The following DMD variants were observed in gnomAD, a reference collection of about 807,000 sequenced individuals.
DMD encodes mutant dystrophin.
DMD carries 63 observed loss-of-function variants against 330.1 expected under a neutral mutation model. That is an observed-to-expected ratio of 0.19 (90% CI 0.16 to 0.24). DMD has a LOEUF of 0.24. Among genes scored for constraint, DMD ranks in the 10% least tolerant of loss-of-function variants. The pLI, the probability that DMD is intolerant of heterozygous loss-of-function variation, is 1.00. For synonymous variants in DMD, 1,223 were observed against 959.8 expected (o/e 1.27, Z -5.07); for missense variants, 3,344 against 2,684.1 (o/e 1.25, Z -5.43).
chrX:33,333,208 A>G (rs2148965920), intron 1 of DMD, among the ~76,000 whole-genome samples: 1 of 111,672 alleles, frequency 9.0e-6, no homozygotes, highest in Non-Finnish European at 1.9e-5. Flanking sequence ...TTAAAAAACA[A>G]TACTTTCACA....
intron 64 of DMD, among the ~76,000 whole-genome samples, chrX:31,213,442 A>G (rs2044981303): frequency 9.2e-6 from 1 of 108,673 alleles, no homozygotes. Flanking sequence ...CCCACGGGAT[A>G]TAAGAAACCC....
In DMD at chrX:31,204,027, C is replaced by A. The variant is rs772783106; in HGVS notation, c.9741G>T (p.Gln3247His). 1.7e-6 allele frequency: 2 copies of A among 1,210,668 alleles called. No individual in the cohort carries two copies. The highest frequency in any genetic ancestry group is 3.5e-5 in the South Asian group (2 of 56,962). Residue 3247 changes from glutamine to histidine, a missense_variant, in exon 67 of 79, where the codon CAG becomes CAT. Gln to His is a conservative substitution (Grantham distance 24). Coordinates refer to ENST00000357033, the MANE Select transcript of DMD (RefSeq NM_004006.3). The stretch of plus-strand genomic sequence containing the variant: ...CCCCAAAGGATGCAACTTCACCCAA[C>A]TGTCTTGGAATTTGGATAGAATCAT... ...LLHDSIQIPR[Q>H]LGEVASFGGS...
Position 32,573,596 on chromosome X carries a change from C to A in DMD, c.1746G>T (p.Val582=). Residue 582 remains valine (V), a synonymous_variant, in exon 15 of 79, where the codon GTG becomes GTT. Transcript: ENST00000357033. ...SAWLSEKEDA[V]NKIHTTGFKD... The stretch of plus-strand genomic sequence containing the variant: ...TAAAGCCAGTTGTGTGAATCTTGTT[C>A]ACTGCATCTTCTTTTTCTGAAAGCC... 1.7e-6 allele frequency: 2 copies of A among 1,211,527 alleles called. No individual in the cohort carries two copies. Among genetic ancestry groups the A allele is most frequent in the Non-Finnish European group, 2.2e-6 (2 of 895,302 alleles).
chrX:32,436,076 T>A (rs1178143103), intron 29 of DMD, among the ~76,000 whole-genome samples: 1 of 112,076 alleles, frequency 8.9e-6, no homozygotes, highest in Non-Finnish European at 1.9e-5. Context: ...TCACTGGCTA[T>A]AGACTTGTTC....
intron 2 of DMD, among the ~76,000 whole-genome samples, chrX:33,016,201 C>T (rs746076472): frequency 3.6e-5 from 4 of 110,922 alleles, no homozygotes; most frequent in Admixed American, 1.9e-4. Context: ...ATGATTTAGC[C>T]GGAGATAAGA....
At chrX:31,987,188 C>A (rs1431183173) in intron 44 of DMD, among the ~76,000 whole-genome samples, 5 of 111,753 alleles carry the variant, frequency 4.5e-5, no homozygotes, top group South Asian at 3.7e-4. Flanking sequence ...TAATTAAGAC[C>A]TTTATTTGTA....
chrX:31,466,728 T>C (rs866405856), intron 59 of DMD, among the ~76,000 whole-genome samples: 2 of 111,883 alleles, frequency 1.8e-5, no homozygotes, highest in South Asian at 3.8e-4. Context: ...GGAGACTGCA[T>C]TGAATCTATA....
chrX:32,312,265 GAA>G (rs2097565202), intron 41 of DMD, among the ~76,000 whole-genome samples: 1 of 111,153 alleles, frequency 9.0e-6, no homozygotes, highest in Non-Finnish European at 1.9e-5. Flanking sequence ...TGGGAATTCA[GAA>G]AAGTTTTGAT....
intron 7 of DMD, among the ~76,000 whole-genome samples, chrX:32,711,388 T>C (rs2065177186): frequency 9.0e-6 from 1 of 110,885 alleles, no homozygotes; most frequent in African/African-American, 3.3e-5. Context: ...TGACTCCTTA[T>C]CATAGCTCCA....
At chrX:33,207,734 T>A (rs1324514500) in intron 1 of DMD, among the ~76,000 whole-genome samples, 1 of 111,978 alleles carries the variant, frequency 8.9e-6, no homozygotes, top group Non-Finnish European at 1.9e-5. Flanking sequence ...CAAGGAAGTC[T>A]AACTAATAGA....
chrX:32,338,900 A>C (rs1474885911), intron 41 of DMD, among the ~76,000 whole-genome samples: 1 of 111,970 alleles, frequency 8.9e-6, no homozygotes, highest in Non-Finnish European at 1.9e-5. Context: ...GTATCTGCTT[A>C]TATATTATAG....
At chrX:31,507,476 A>C (rs398124063) in intron 55 of DMD, 23 bp from the exon 56 acceptor site, 1 of 1,175,357 alleles carries the variant, frequency 8.5e-7, no homozygotes, top group Admixed American at 2.3e-5. Context: ...AGGAAGAAGA[A>C]TATGTGCAGA....
intron 44 of DMD, among the ~76,000 whole-genome samples, chrX:32,000,147 T>A (rs2095615892): frequency 8.9e-6 from 1 of 112,458 alleles, no homozygotes; most frequent in African/African-American, 3.2e-5. Flanking sequence ...ATTGTGTATC[T>A]TGGACAATCC....
intron 60 of DMD, among the ~76,000 whole-genome samples, chrX:31,425,712 G>GCA (rs61365841): frequency 3.0e-5 from 3 of 98,769 alleles, no homozygotes; most frequent in African/African-American, 1.5e-4. Context: ...ACACACACAC[G>GCA]CACACAATAC....
At chrX:31,721,685 A>ACTCTCTCTCTCT (rs767300805) in intron 52 of DMD, among the ~76,000 whole-genome samples, 8 of 39,585 alleles carry the variant, frequency 2.0e-4, no homozygotes, top group African/African-American at 3.8e-4. Context: ...TCTCTCTCTC[A>ACTCTCTCTCTCT]CTCTCTCTCT....
At chrX:31,590,904 T>C (rs1481387792) in intron 55 of DMD, among the ~76,000 whole-genome samples, 1 of 111,603 alleles carries the variant, frequency 9.0e-6, no homozygotes, top group Non-Finnish European at 1.9e-5. Context: ...AGGTTAGCAG[T>C]GAAGAGTGAC....
intron 63 of DMD, among the ~76,000 whole-genome samples, chrX:31,232,081 T>TAAAAAAAAAAAA (rs776133263): frequency 3.0e-5 from 1 of 33,286 alleles, no homozygotes; most frequent in Non-Finnish European, 5.4e-5. Context: ...CAGCACATGT[T>TAAAAAAAAAAAA]AAAAAAAAAA....
intron 2 of DMD, among the ~76,000 whole-genome samples, chrX:32,913,526 A>G (rs1419525333): frequency 8.9e-6 from 1 of 112,200 alleles, no homozygotes; most frequent in African/African-American, 3.2e-5. Flanking sequence ...AGTGGGCTAG[A>G]GCTACAGGTT....
chrX:32,928,877 G>C (rs949439416), intron 2 of DMD, among the ~76,000 whole-genome samples: 1 of 111,903 alleles, frequency 8.9e-6, no homozygotes, highest in African/African-American at 3.2e-5. Context: ...ATAAACATTT[G>C]TTTATGCATG....
Sources: gnomAD v4.1 joint callset for allele counts (sites outside exome capture counted in the v4.1 genomes callset) on GRCh38, gnomAD v4.1.1 for gene constraint, MANE v1.5 for transcripts, NCBI Gene and HGNC (gene_info 2026-07-23, HGNC 2026-07-21) for gene names.